The following ALG1L2 variants were observed in gnomAD, a reference collection of about 807,000 sequenced individuals.
The protein encoded by ALG1L2 is ALG1 chitobiosyldiphosphodolichol beta-mannosyltransferase like 2.
ALG1L2 carries 32 observed loss-of-function variants against 29.0 expected under a neutral mutation model. The observed-to-expected ratio is 1.10, with a 90% CI of 0.83 to 1.48. The LOEUF (loss-of-function observed/expected upper bound fraction) is 1.48, where lower values mean the gene tolerates loss of function less well. Among genes scored for constraint, ALG1L2 ranks in the 40% most tolerant of loss-of-function variants. The pLI, the probability that ALG1L2 is intolerant of heterozygous loss-of-function variation, is 0.00. For missense variants in ALG1L2, 318 were observed against 274.1 expected (o/e 1.16, Z -1.13); for synonymous variants, 110 against 109.5 (o/e 1.00, Z -0.03).
chr3:130,087,258 A>G (rs1355687522), intron 1 of ALG1L2, among the ~76,000 whole-genome samples: 7 of 150,560 alleles, frequency 4.6e-5, no homozygotes, highest in Non-Finnish European at 8.9e-5. Flanking sequence ...CCCACCCCAA[A>G]TGCATAAGAA....
At chr3:130,089,610 C>G in intron 1 of ALG1L2, 1 of 152,276 alleles carries the variant, frequency 6.6e-6, no homozygotes, top group African/African-American at 2.4e-5. Context: ...CATTTCACCC[C>G]TTTTACTTTT....
chr3:130,096,156 T>G lies in ALG1L2; in HGVS notation c.532T>G (p.Phe178Val), dbSNP rs753340365. 6.2e-7 allele frequency: 1 copy of G among 1,611,940 alleles called. No homozygotes were observed. Among genetic ancestry groups the G allele is most frequent in the South Asian group, 1.1e-5 (1 of 90,968 alleles). Residue 178 changes from phenylalanine to valine, a missense_variant, in exon 6 of 8, where the codon TTC becomes GTC. Physicochemically the swap from Phe to Val is conservative, Grantham distance 50. Coordinates refer to ENST00000425059, the MANE Select transcript of ALG1L2 (RefSeq NM_001136152.1). Reference protein sequence around the residue: ...RCCLPACAVNFKCLHELVKHE... With the variant: ...RCCLPACAVNVKCLHELVKHE... ...CTGTTTGCCTGCGTGTGCCGTGAACTTCAAGTGGTAGGAGCAGAACCCGAA... is the reference window on the plus strand; with the variant it reads ...CTGTTTGCCTGCGTGTGCCGTGAACGTCAAGTGGTAGGAGCAGAACCCGAA...
chr3:130,093,636 C>T (rs1295560466), intron 4 of ALG1L2, among the ~76,000 whole-genome samples: 1 of 152,102 alleles, frequency 6.6e-6, no homozygotes, highest in Non-Finnish European at 1.5e-5. Context: ...GTTGGCCAGG[C>T]TGGTCTTGAA....
rs975090568 is a variant in ALG1L2 at position 130,083,371 on chromosome 3, G to A, written c.20+1335G>A. On this transcript the variant is annotated intron_variant, in intron 1 of 7. Coordinates refer to ENST00000425059, the MANE Select transcript of ALG1L2 (RefSeq NM_001136152.1). ...AGGCAGGAGAATGGTCTGAACCCGG[G>A]AGGCAGAGGTTGCAGTGAGCTGAGA... Among the ~76,000 whole-genome samples the A allele has an allele frequency of 7.8e-5, 10 of 129,030 alleles. 1 individual carries two copies. Among genetic ancestry groups the A allele is most frequent in the African/African-American group, 2.6e-4 (10 of 38,386 alleles). The allele number at this position is 129,030 out of a possible 152,430, so 84.6% of individuals were successfully genotyped here.
intron 2 of ALG1L2, 151 bp from the exon 3 acceptor site, chr3:130,091,950 G>A (rs1428853252): frequency 7.1e-6 from 9 of 1,274,274 alleles, no homozygotes; most frequent in Middle Eastern, 2.7e-4. Context: ...GCAAGCCCAG[G>A]CCTCGATTGG....
chr3:130,091,816 G>A, intron 2 of ALG1L2: 2 of 647,362 alleles, frequency 3.1e-6, no homozygotes, highest in South Asian at 3.0e-5. Flanking sequence ...TGGTGTGGGA[G>A]GGCGTCCTAG....
Position 130,093,118 on chromosome 3 carries a change from C to A in ALG1L2, c.271C>A (p.Leu91Ile), listed in dbSNP as rs753549530. The change falls in exon 4 of 8, where the codon CTT becomes ATT. Residue 91 changes from leucine (L) to isoleucine (I), a missense_variant. Physicochemically the swap from Leu to Ile is conservative, Grantham distance 5. Transcript: ENST00000425059. ...TSWTEFEQLT[L>I]DGQNLPSLVC... ...AAACACAGAGTTTGAACAACTGACT[C>A]TTGACGGACAGAACCTTCCTTCTCT... is the stretch of plus-strand genomic sequence containing the variant. 5 of 1,607,764 alleles carry A rather than the reference C, an allele frequency of 3.1e-6. No homozygotes were observed. The highest frequency in any genetic ancestry group is 4.5e-4 in the Middle Eastern group (2 of 4,450).
At chr3:130,084,284 C>T (rs1934845346) in intron 1 of ALG1L2, among the ~76,000 whole-genome samples, 1 of 135,634 alleles carries the variant, frequency 7.4e-6, no homozygotes, top group South Asian at 2.3e-4. Context: ...ATAGCGAGAC[C>T]CCATTTCCCC....
intron 5 of ALG1L2, among the ~76,000 whole-genome samples, chr3:130,095,442 AT>A (rs1935110017): frequency 8.9e-6 from 1 of 112,500 alleles, no homozygotes; most frequent in Non-Finnish European, 2.1e-5. Flanking sequence ...TATTATTATT[AT>A]TATTATTTTG....
intron 5 of ALG1L2, 83 bp downstream of exon 5, chr3:130,094,596 A>G (rs1339555054): frequency 7.0e-7 from 1 of 1,433,554 alleles, no homozygotes; most frequent in African/African-American, 1.4e-5. Context: ...CCTTTTCTGA[A>G]AAGGTGGCTC....
rs554281264 is a variant in ALG1L2, at chr3:130,092,902, C to T, written c.254-199C>T. Among the ~76,000 whole-genome samples the T allele has an allele frequency of 1.6e-4, 24 of 151,958 alleles. No individual in the cohort carries two copies. The East Asian group carries it at 4.3e-3, about 27-fold the overall frequency. On this transcript the variant is annotated intron_variant, in intron 3 of 7. Transcript: ENST00000425059. ...AAAATTAGCTAGGTATGGTGGTGGG[C>T]GCCTGTAATCCCAGCTACTTGGGAG...
chr3:130,097,217 T>C lies in ALG1L2; in HGVS notation c.582T>C (p.Phe194=). ...AACATGAAGAAAACCGCCTGGTCTT[T>C]GAGGACTCAGAGGAACTGGCAGCTC... ...LVKHEENRLV[F]EDSEELAAQL... is the part of the protein sequence containing the mutation. Residue 194 remains phenylalanine (F), a synonymous_variant, in exon 7 of 8, where the codon TTT becomes TTC. Coordinates refer to ENST00000425059, the MANE Select transcript of ALG1L2 (RefSeq NM_001136152.1). 1 of 1,611,530 alleles carries C rather than the reference T, an allele frequency of 6.2e-7. No individual in the cohort carries two copies. The highest frequency in any genetic ancestry group is 8.5e-7 in the Non-Finnish European group (1 of 1,179,840).
intron 1 of ALG1L2, among the ~76,000 whole-genome samples, chr3:130,088,427 T>TTTTC (rs141157217): frequency 6.6e-6 from 1 of 151,268 alleles, no homozygotes; most frequent in Non-Finnish European, 1.5e-5. Context: ...ATTCTTTTTT[T>TTTTC]CTTTTTCTGA....
intron 1 of ALG1L2, among the ~76,000 whole-genome samples, chr3:130,084,087 C>T (rs1934841471): frequency 6.6e-6 from 1 of 150,392 alleles, no homozygotes; most frequent in Non-Finnish European, 1.5e-5. Flanking sequence ...AATTCATCAG[C>T]ACAGATGGTG....
At chr3:130,091,785 G>C (rs1464351208) in intron 2 of ALG1L2, 2 of 615,620 alleles carry the variant, frequency 3.2e-6, no homozygotes, top group Admixed American at 4.3e-5. Context: ...ACCCTGAGGT[G>C]TGCCCCTGGG....
intron 5 of ALG1L2, among the ~76,000 whole-genome samples, chr3:130,094,825 G>C (rs1204169362): frequency 6.6e-6 from 1 of 152,236 alleles, no homozygotes; most frequent in African/African-American, 2.4e-5. Context: ...GCCCAGGTGT[G>C]GGAGGGCAGT....
intron 1 of ALG1L2, among the ~76,000 whole-genome samples, chr3:130,087,501 A>T (rs1482653565): frequency 1.3e-5 from 2 of 149,702 alleles, no homozygotes; most frequent in African/African-American, 2.4e-5. Flanking sequence ...AATGAGGTCC[A>T]TTAGAAAACC....
intron 5 of ALG1L2, among the ~76,000 whole-genome samples, chr3:130,094,752 C>T (rs1577329733): frequency 6.6e-6 from 1 of 152,186 alleles, no homozygotes; most frequent in Admixed American, 6.5e-5. Context: ...CAGCCTGCCA[C>T]GCCCTCCATT....
In ALG1L2 at chr3:130,098,285, A is replaced by G. The variant is rs1462072662; in HGVS notation, c.*30A>G. On this transcript the variant is annotated 3_prime_UTR_variant, in exon 8 of 8. Coordinates refer to ENST00000425059, the MANE Select transcript of ALG1L2 (RefSeq NM_001136152.1). ...GAAGGCAAGCTAAACCAGTTCCGGA[A>G]GAACCTGCGGGAGTCGCAGCAGCTC... 3 of 1,596,356 alleles carry G rather than the reference A, an allele frequency of 1.9e-6. No homozygotes were observed. The highest frequency in any genetic ancestry group is 2.2e-5 in the South Asian group (2 of 90,996).
Sources: gnomAD v4.1 joint callset for allele counts (sites outside exome capture counted in the v4.1 genomes callset) on GRCh38, gnomAD v4.1.1 for gene constraint, MANE v1.5 for transcripts, NCBI Gene and HGNC (gene_info 2026-07-23, HGNC 2026-07-21) for gene names.